KCNH1: variants seen among roughly 807,000 people sequenced by gnomAD.
KCNH1 encodes the protein voltage-gated delayed rectifier potassium channel KCNH1.
A neutral mutation model predicts 69.2 loss-of-function variants in KCNH1; 27 were observed. The ratio of observed to expected loss-of-function variants is 0.39; its 90% CI spans 0.29 to 0.54. KCNH1 has a LOEUF of 0.54. Among genes scored for constraint, KCNH1 ranks in the 20% least tolerant of loss-of-function variants. The pLI is 0.68. For synonymous variants in KCNH1, 456 were observed against 487.7 expected (o/e 0.93, Z 0.86); for missense variants, 798 against 1,261.6 (o/e 0.63, Z 5.57).
chr1:210,824,666 G>A (rs528489249), intron 7 of KCNH1, among the ~76,000 whole-genome samples: 1 of 152,310 alleles, frequency 6.6e-6, no homozygotes, highest in African/African-American at 2.4e-5. Flanking sequence ...AAAGGGAGGA[G>A]CATTTTAATA....
At chr1:210,706,902 C>G (rs1681926832) in intron 10 of KCNH1, among the ~76,000 whole-genome samples, 2 of 152,230 alleles carry the variant, frequency 1.3e-5, no homozygotes, top group Admixed American at 1.3e-4. Flanking sequence ...TGCTTTCTCT[C>G]TATCATCTCA....
intron 5 of KCNH1, among the ~76,000 whole-genome samples, chr1:211,065,349 G>A (rs993808426): frequency 6.6e-6 from 1 of 152,154 alleles, no homozygotes; most frequent in Non-Finnish European, 1.5e-5. Flanking sequence ...AAATGGAACT[G>A]GAGGACATTG....
rs143422838 is a variant in KCNH1, at chr1:210,868,907, T to A, written c.1462+50733A>T. ...TTCATTTGTATAGATCTAAATTTCA[T>A]TGATAGTATTTGCCTTGCATCTGAA... On this transcript the variant is annotated intron_variant, in intron 7 of 10. Transcript: ENST00000271751. Among the ~76,000 whole-genome samples the A allele has an allele frequency of 1.6e-4, 24 of 152,252 alleles. No homozygotes were observed. In the East Asian group the frequency reaches 4.6e-3, roughly 29 times the overall value.
chr1:211,083,253 C>T (rs1690889609), intron 4 of KCNH1, among the ~76,000 whole-genome samples: 3 of 152,236 alleles, frequency 2.0e-5, no homozygotes, highest in South Asian at 2.1e-4. Flanking sequence ...AAGATAATAT[C>T]GGGTAATTGA....
intron 7 of KCNH1, among the ~76,000 whole-genome samples, chr1:210,889,783 C>G (rs1048716490): frequency 6.6e-6 from 1 of 152,122 alleles, no homozygotes; most frequent in African/African-American, 2.4e-5. Flanking sequence ...TGAGTGAACT[C>G]CCATTCACAA....
intron 7 of KCNH1, among the ~76,000 whole-genome samples, chr1:210,908,394 C>T (rs959288154): frequency 7.9e-5 from 12 of 152,168 alleles, no homozygotes; most frequent in Non-Finnish European, 1.3e-4. Flanking sequence ...AGGCTGCCAG[C>T]GCCTGCATGT....
rs1681353303 is a variant in KCNH1, at chr1:210,684,158, G to A, written c.2113-20C>T. 2.0e-6 allele frequency: 3 copies of A among 1,495,626 alleles called. No individual in the cohort carries two copies. Among genetic ancestry groups the A allele is most frequent in the Non-Finnish European group, 2.7e-6 (3 of 1,125,022 alleles). 92.6% of individuals were successfully genotyped at this position (1,495,626 alleles called of 1,614,324 possible). ...CACAATCTGGAGAGAGAGAGAGAGA[G>A]AATGACATGGCGTGTTAGCCACATG... On this transcript the variant is annotated intron_variant, in intron 10 of 10. Transcript: ENST00000271751.
intron 5 of KCNH1, among the ~76,000 whole-genome samples, chr1:211,040,931 G>C (rs1262059724): frequency 2.0e-5 from 3 of 152,110 alleles, no homozygotes; most frequent in Admixed American, 2.0e-4. Flanking sequence ...AGTGCTCTGA[G>C]CCTCATCTTC....
At chr1:210,836,284 T>C (rs1043124638) in intron 7 of KCNH1, among the ~76,000 whole-genome samples, 1 of 152,122 alleles carries the variant, frequency 6.6e-6, no homozygotes, top group Non-Finnish European at 1.5e-5. Context: ...CTTAGGCATA[T>C]AGGTAATAGA....
chr1:210,853,072 T>C (rs1685744752), intron 7 of KCNH1, among the ~76,000 whole-genome samples: 1 of 152,136 alleles, frequency 6.6e-6, no homozygotes, highest in African/African-American at 2.4e-5. Flanking sequence ...ACCACTAAAA[T>C]GTTCATTTTT....
At chr1:210,850,637 T>C (rs541457113) in intron 7 of KCNH1, among the ~76,000 whole-genome samples, 2 of 152,324 alleles carry the variant, frequency 1.3e-5, no homozygotes, top group South Asian at 2.1e-4. Context: ...ACAGTTCTGC[T>C]AGCTTGGCCT....
intron 1 of KCNH1, among the ~76,000 whole-genome samples, chr1:211,132,036 A>T (rs912170537): frequency 8.5e-5 from 13 of 152,222 alleles, no homozygotes; most frequent in Non-Finnish European, 1.8e-4. Context: ...GGTTCCCTTA[A>T]AACCCAAGGC....
At chr1:210,740,580 T>A (rs1180550290) in intron 10 of KCNH1, among the ~76,000 whole-genome samples, 1 of 152,068 alleles carries the variant, frequency 6.6e-6, no homozygotes, top group Admixed American at 6.5e-5. Context: ...CAGGCTGCCA[T>A]GATCTTATTT....
Position 210,775,517 on chromosome 1 carries a change from A to G in KCNH1, c.1943T>C (p.Phe648Ser). The change falls in exon 10 of 11, where the codon TTC becomes TCC. Residue 648 changes from phenylalanine (F) to serine (S), a missense_variant. This residue lies in a region of KCNH1 where 197 missense variants were observed against 407.7 expected (regional missense o/e 0.48). Transcript: ENST00000271751. ...LGKGDVFGDVFWKEATLAQSC... is the reference protein window; with the variant it reads ...LGKGDVFGDVSWKEATLAQSC... ...CTGGGCAAGGGTGGCTTCCTTCCAG[A>G]ACACATCTCCAAACACGTCTCCTTT... The G allele has an allele frequency of 1.9e-6, 3 of 1,613,974 alleles. No individual in the cohort carries two copies. Among genetic ancestry groups the G allele is most frequent in the Non-Finnish European group, 8.5e-7 (1 of 1,179,892 alleles).
chr1:210,786,088 G>A (rs1684096082), intron 9 of KCNH1, among the ~76,000 whole-genome samples: 1 of 152,098 alleles, frequency 6.6e-6, no homozygotes, highest in African/African-American at 2.4e-5. Context: ...AAGCACCCCT[G>A]AACCCAATAC....
chr1:211,043,896 T>C (rs1479021455), intron 5 of KCNH1, among the ~76,000 whole-genome samples: 1 of 152,148 alleles, frequency 6.6e-6, no homozygotes, highest in African/African-American at 2.4e-5. Flanking sequence ...AGCATCCCTT[T>C]ATGATTAAAA....
chr1:211,042,588 T>C (rs1241549128), intron 5 of KCNH1, among the ~76,000 whole-genome samples: 1 of 152,192 alleles, frequency 6.6e-6, no homozygotes, highest in Non-Finnish European at 1.5e-5. Flanking sequence ...AAAGAAACAA[T>C]GTATTTAAAC....
chr1:210,848,944 C>T (rs1212907848), intron 7 of KCNH1, among the ~76,000 whole-genome samples: 1 of 151,862 alleles, frequency 6.6e-6, no homozygotes. Context: ...TAGAGTATAG[C>T]AGAGAAAGAA....
intron 6 of KCNH1, among the ~76,000 whole-genome samples, chr1:210,988,174 C>T (rs1007638992): frequency 2.6e-5 from 4 of 152,170 alleles, no homozygotes; most frequent in Admixed American, 1.3e-4. Flanking sequence ...TTCCAGGTGC[C>T]GTCTGTCACC....
Sources: gnomAD v4.1 joint callset for allele counts (sites outside exome capture counted in the v4.1 genomes callset) on GRCh38, gnomAD v4.1.1 for gene constraint, gnomAD v4.1.1 regional missense constraint, MANE v1.5 for transcripts, NCBI Gene and HGNC (gene_info 2026-07-23, HGNC 2026-07-21) for gene names.